Variants in ANTXR2 observed in about 807,000 individuals in gnomAD.
ANTXR2 encodes the protein ANTXR cell adhesion molecule 2.
Under a neutral mutation model 73.7 loss-of-function variants are expected in ANTXR2, and 44 were observed. The ratio of observed to expected loss-of-function variants is 0.60; its 90% CI spans 0.47 to 0.77. The LOEUF (loss-of-function observed/expected upper bound fraction) is 0.77, where lower values mean the gene tolerates loss of function less well. Ranked by LOEUF, ANTXR2 falls within the 30% of genes least tolerant of loss-of-function variation. The pLI, the probability that ANTXR2 is intolerant of heterozygous loss-of-function variation, is 0.00. For missense variants in ANTXR2, 604 were observed against 592.5 expected (o/e 1.02, Z -0.20); for synonymous variants, 217 against 205.9 (o/e 1.05, Z -0.46).
intron 10 of ANTXR2, among the ~76,000 whole-genome samples, chr4:80,030,291 G>C (rs1224841089): frequency 1.3e-5 from 2 of 152,062 alleles, no homozygotes; most frequent in African/African-American, 4.8e-5. Context: ...GGAAAATACA[G>C]TTTGGGAGAT....
In ANTXR2 at chr4:79,907,328, C is replaced by T; in HGVS notation, c.*101G>A. The T allele has an allele frequency of 1.5e-6, 2 of 1,314,806 alleles. No homozygotes were observed. The highest frequency in any genetic ancestry group is 1.2e-5 in the South Asian group (1 of 80,888). 81.4% of individuals were successfully genotyped at this position (1,314,806 alleles called of 1,614,324 possible). ...GACTGAGAGGAATTAAGCTGCTCTT[C>T]CAAAAGCTTCTGAAATGCACTTGAT... On this transcript the variant is annotated 3_prime_UTR_variant, in exon 17 of 17. Transcript: ENST00000403729.
chr4:80,013,163 A>G (rs150479388), intron 11 of ANTXR2, among the ~76,000 whole-genome samples: 5 of 152,366 alleles, frequency 3.3e-5, no homozygotes, highest in African/African-American at 9.6e-5. Flanking sequence ...AGGAGAGATG[A>G]ACATAAAGGA....
At chr4:79,937,855 G>A (rs1056607873) in intron 16 of ANTXR2, among the ~76,000 whole-genome samples, 1 of 145,788 alleles carries the variant, frequency 6.9e-6, no homozygotes, top group African/African-American at 2.5e-5. Flanking sequence ...GTGGGCGCAG[G>A]CCAGTGTGTG....
intron 3 of ANTXR2, among the ~76,000 whole-genome samples, chr4:80,063,139 T>C (rs765642744): frequency 6.6e-6 from 1 of 152,242 alleles, no homozygotes; most frequent in African/African-American, 2.4e-5. Flanking sequence ...GAACCTTAGT[T>C]AGTCCTTCTC....
At chr4:79,993,262 G>A (rs1730557608) in intron 12 of ANTXR2, among the ~76,000 whole-genome samples, 1 of 150,794 alleles carries the variant, frequency 6.6e-6, no homozygotes, top group African/African-American at 2.4e-5. Flanking sequence ...AGGGAGGAAG[G>A]GATAAAGAAA....
At chr4:79,987,303 A>G (rs1362728710) in intron 12 of ANTXR2, among the ~76,000 whole-genome samples, 1 of 152,072 alleles carries the variant, frequency 6.6e-6, no homozygotes, top group African/African-American at 2.4e-5. Flanking sequence ...GAACTTCCGG[A>G]AATTAAAAAT....
chr4:79,915,362 C>A (rs889540601), intron 16 of ANTXR2, among the ~76,000 whole-genome samples: 2 of 152,104 alleles, frequency 1.3e-5, no homozygotes, highest in Non-Finnish European at 2.9e-5. Flanking sequence ...TGTCATGTCT[C>A]CCATCTCTTG....
intron 11 of ANTXR2, among the ~76,000 whole-genome samples, chr4:80,013,327 G>C (rs1030165847): frequency 2.6e-5 from 4 of 152,210 alleles, no homozygotes; most frequent in African/African-American, 9.6e-5. Context: ...CCAGTTGTGA[G>C]AGACGGGCAA....
chr4:79,958,006 T>C (rs1405162056), intron 16 of ANTXR2, among the ~76,000 whole-genome samples: 1 of 152,096 alleles, frequency 6.6e-6, no homozygotes, highest in African/African-American at 2.4e-5. Flanking sequence ...GACACTTCAT[T>C]TTCCTATTGC....
intron 10 of ANTXR2, among the ~76,000 whole-genome samples, chr4:80,029,262 A>C (rs937331909): frequency 1.3e-5 from 2 of 152,146 alleles, no homozygotes; most frequent in Non-Finnish European, 2.9e-5. Flanking sequence ...AAACAGGCAT[A>C]ATGCATTTTA....
At chr4:80,065,233 T>C (rs12648048) in intron 3 of ANTXR2, among the ~76,000 whole-genome samples, 5,252 of 152,276 alleles carry the variant, frequency 0.034, 285 homozygotes, top group South Asian at 0.19. Flanking sequence ...TGCAAAATAA[T>C]AACTAAAAAT....
chr4:80,060,756 G>A (rs560822206), intron 3 of ANTXR2, among the ~76,000 whole-genome samples: 77 of 152,228 alleles, frequency 5.1e-4, no homozygotes, highest in African/African-American at 1.6e-3. Context: ...AGTATATATA[G>A]GGTTTGGCAC....
intron 16 of ANTXR2, among the ~76,000 whole-genome samples, chr4:79,936,982 T>C (rs1389784748): frequency 6.6e-6 from 1 of 152,214 alleles, no homozygotes; most frequent in African/African-American, 2.4e-5. Flanking sequence ...TAATTGATTA[T>C]GTATTCATTC....
In ANTXR2 at chr4:80,008,714, GAAAGTA is replaced by G. The variant is rs557463579; in HGVS notation, c.946-104_946-99del. 254 of 682,020 alleles carry G rather than the reference GAAAGTA, an allele frequency of 3.7e-4. 1 individual carries two copies. In the African/African-American group the frequency reaches 4.4e-3, roughly 12 times the overall value. 42.2% of individuals were successfully genotyped at this position (682,020 alleles called of 1,614,324 possible). A position where few individuals can be genotyped will look rare whatever the true frequency, so the allele number is the denominator to read the frequency against. On this transcript the variant is annotated intron_variant, in intron 11 of 16. Transcript: ENST00000403729. ...TAAGGAAACACCAGAAAATAATTCAGAAAGTATAATGTCAAACTAGATTTTAACTAT... is the reference window on the plus strand; with the variant it reads ...TAAGGAAACACCAGAAAATAATTCAGTAATGTCAAACTAGATTTTAACTAT...
At chr4:80,061,703 A>G (rs1734270074) in intron 3 of ANTXR2, among the ~76,000 whole-genome samples, 1 of 152,134 alleles carries the variant, frequency 6.6e-6, no homozygotes, top group Admixed American at 6.5e-5. Context: ...ATTGTACTTT[A>G]CCTGAGCTAT....
At chr4:79,936,466 A>C (rs1262857667) in intron 16 of ANTXR2, among the ~76,000 whole-genome samples, 2 of 149,930 alleles carry the variant, frequency 1.3e-5, no homozygotes, top group East Asian at 3.9e-4. Flanking sequence ...TCTCACAACC[A>C]AAACCTAAAT....
chr4:80,066,173 T>G (rs1332831843), intron 3 of ANTXR2, among the ~76,000 whole-genome samples: 1 of 152,202 alleles, frequency 6.6e-6, no homozygotes, highest in Non-Finnish European at 1.5e-5. Context: ...GAAAATAATG[T>G]CCTTTATTGG....
intron 12 of ANTXR2, among the ~76,000 whole-genome samples, chr4:80,007,916 T>C (rs1731384633): frequency 1.3e-5 from 2 of 152,202 alleles, no homozygotes; most frequent in Non-Finnish European, 2.9e-5. Flanking sequence ...AGTCAACATA[T>C]GTGTGGCAAT....
At chr4:79,948,799 G>C (rs1728601949) in intron 16 of ANTXR2, among the ~76,000 whole-genome samples, 1 of 152,066 alleles carries the variant, frequency 6.6e-6, no homozygotes. Context: ...AGGAGGAGGA[G>C]AAACAGAAAC....
Sources: gnomAD v4.1 joint callset for allele counts (sites outside exome capture counted in the v4.1 genomes callset) on GRCh38, gnomAD v4.1.1 for gene constraint, MANE v1.5 for transcripts, NCBI Gene and HGNC (gene_info 2026-07-23, HGNC 2026-07-21) for gene names.